Variants in SYNE1 observed in about 807,000 individuals in gnomAD.
The protein encoded by SYNE1 is spectrin repeat containing nuclear envelope protein 1, also known as nesprin-1.
SYNE1 carries 616 observed loss-of-function variants against 1,111.0 expected under a neutral mutation model. The observed-to-expected ratio is 0.55, with a 90% CI of 0.52 to 0.59. SYNE1 has a LOEUF of 0.59. Among genes scored for constraint, SYNE1 ranks in the 20% least tolerant of loss-of-function variants. The pLI is 0.00. For synonymous variants in SYNE1, 3,855 were observed against 3,825.8 expected (o/e 1.01, Z -0.28); for missense variants, 10,006 against 10,417.0 (o/e 0.96, Z 1.72).
At chr6:152,462,377 G>T (rs1436630893) in intron 20 of SYNE1, among the ~76,000 whole-genome samples, 2 of 152,116 alleles carry the variant, frequency 1.3e-5, no homozygotes, top group Non-Finnish European at 2.9e-5. Context: ...TGTGAGAGCT[G>T]CAGGCTATTC....
chr6:152,624,368 T>G (rs988632682), intron 3 of SYNE1, among the ~76,000 whole-genome samples: 9 of 152,168 alleles, frequency 5.9e-5, no homozygotes, highest in Admixed American at 3.3e-4. Context: ...TTAATAAAAG[T>G]CAGTCAACAA....
intron 100 of SYNE1, among the ~76,000 whole-genome samples, chr6:152,265,263 G>A (rs1429545748): frequency 6.9e-6 from 1 of 144,444 alleles, no homozygotes; most frequent in Non-Finnish European, 1.5e-5. Flanking sequence ...AATGGCAATA[G>A]TGCAAATATC....
At position 152,540,015 on chromosome 6, in the gene SYNE1, T is replaced by G; in HGVS notation, c.74A>C (p.Gln25Pro). Residue 25 changes from glutamine to proline, a missense_variant, in exon 4 of 146, where the codon CAA (glutamine) becomes CCA (proline). Around this residue, in one of 7 missense-constraint regions of SYNE1, gnomAD observed 1,971 missense variants for 2,084.1 expected, o/e 0.95. Coordinates refer to ENST00000367255, the MANE Select transcript of SYNE1 (RefSeq NM_182961.4). ...GAAAGTTCGTTTTTGTACTATCTCT[T>G]GCTCATCTAGAAGGAAAAAGAAATC... Reference protein sequence around the residue: ...ANVMQRLQDEQEIVQKRTFTK... With the variant: ...ANVMQRLQDEPEIVQKRTFTK... The G allele has an allele frequency of 6.2e-7, 1 of 1,613,910 alleles. No homozygotes were observed. Among genetic ancestry groups the G allele is most frequent in the Non-Finnish European group, 8.5e-7 (1 of 1,179,878 alleles).
At chr6:152,193,138 C>T (rs2073040640) in intron 127 of SYNE1, among the ~76,000 whole-genome samples, 1 of 151,658 alleles carries the variant, frequency 6.6e-6, no homozygotes, top group African/African-American at 2.4e-5. Context: ...TGGTCTTCTC[C>T]CCCTTCCTTC....
At chr6:152,599,360 C>T (rs917565157) in intron 3 of SYNE1, among the ~76,000 whole-genome samples, 1 of 152,226 alleles carries the variant, frequency 6.6e-6, no homozygotes, top group Non-Finnish European at 1.5e-5. Flanking sequence ...CACACACCCA[C>T]AGGGCTTTCC....
intron 97 of SYNE1, among the ~76,000 whole-genome samples, chr6:152,279,716 CAAAAAAAAAA>C (rs71017531): frequency 1.6e-5 from 1 of 63,058 alleles, no homozygotes; most frequent in African/African-American, 5.6e-5. Flanking sequence ...GACCTTGTCT[CAAAAAAAAAA>C]AAAAAAAAAA....
chr6:152,270,665 C>T (rs962963054), intron 98 of SYNE1, among the ~76,000 whole-genome samples: 1 of 152,208 alleles, frequency 6.6e-6, no homozygotes, highest in African/African-American at 2.4e-5. Context: ...TAAGCACTCA[C>T]TAGACACTGT....
At chr6:152,435,882 G>C (rs2154214502) in intron 33 of SYNE1, 59 bp downstream of exon 33, 2 of 1,593,148 alleles carry the variant, frequency 1.3e-6, no homozygotes, top group Admixed American at 3.3e-5. Context: ...CAAGGTACAG[G>C]AAAGATTGTA....
At chr6:152,522,421 G>A (rs546382836) in intron 5 of SYNE1, among the ~76,000 whole-genome samples, 49 of 152,150 alleles carry the variant, frequency 3.2e-4, no homozygotes, top group African/African-American at 1.1e-3. Context: ...AGTATTCCAT[G>A]GTTGTATATA....
intron 3 of SYNE1, among the ~76,000 whole-genome samples, chr6:152,587,305 A>G (rs1448006935): frequency 6.6e-6 from 1 of 152,098 alleles, no homozygotes; most frequent in Non-Finnish European, 1.5e-5. Flanking sequence ...CTTCCTTATC[A>G]TCTTTTACCA....
intron 98 of SYNE1, among the ~76,000 whole-genome samples, chr6:152,274,175 G>T (rs1012450888): frequency 5.3e-5 from 8 of 152,156 alleles, no homozygotes; most frequent in African/African-American, 1.9e-4. Flanking sequence ...CTTCTGTTCA[G>T]TTTTAGTATG....
chr6:152,318,336 T>A, intron 85 of SYNE1, 73 bp from the exon 86 acceptor site: 1 of 1,547,864 alleles, frequency 6.5e-7, no homozygotes, highest in Non-Finnish European at 8.9e-7. Context: ...GAGATCAGAC[T>A]GATTTTTGTC....
At chr6:152,181,320 G>C (rs898176719) in intron 128 of SYNE1, among the ~76,000 whole-genome samples, 1 of 152,160 alleles carries the variant, frequency 6.6e-6, no homozygotes, top group Non-Finnish European at 1.5e-5. Flanking sequence ...GTTGAGGCAG[G>C]AGAGTCGCTT....
At chr6:152,339,119 G>A in intron 75 of SYNE1, 122 bp downstream of exon 75, 3 of 1,306,862 alleles carry the variant, frequency 2.3e-6, no homozygotes, top group Non-Finnish European at 3.2e-6. Flanking sequence ...TATAATGGCT[G>A]TAGAACCATT....
chr6:152,381,472 T>C, intron 55 of SYNE1, 110 bp from the exon 56 acceptor site: 1 of 1,087,896 alleles, frequency 9.2e-7, no homozygotes, highest in Non-Finnish European at 1.4e-6. Flanking sequence ...TTTTAACAAG[T>C]GTGCCACAAG....
chr6:152,182,146 A>G (rs1227949893), intron 128 of SYNE1, among the ~76,000 whole-genome samples: 1 of 152,230 alleles, frequency 6.6e-6, no homozygotes, highest in Non-Finnish European at 1.5e-5. Context: ...TTATATATAT[A>G]CAATGGGCTT....
At chr6:152,574,280 G>C (rs1039582145) in intron 3 of SYNE1, among the ~76,000 whole-genome samples, 2 of 150,842 alleles carry the variant, frequency 1.3e-5, no homozygotes, top group East Asian at 3.9e-4. Context: ...AGTAGGTTTA[G>C]AGAGGAAATA....
chr6:152,318,750 AT>A, intron 85 of SYNE1, 112 bp downstream of exon 85: 1 of 1,262,418 alleles, frequency 7.9e-7, no homozygotes, highest in Non-Finnish European at 1.1e-6. Flanking sequence ...TGCTGTTACT[AT>A]TTGGTTTTAA....
At chr6:152,386,579 T>G (rs1354592103) in intron 54 of SYNE1, among the ~76,000 whole-genome samples, 1 of 152,168 alleles carries the variant, frequency 6.6e-6, no homozygotes, top group Admixed American at 6.6e-5. Context: ...AATGAAAGAT[T>G]CATATAGAGA....
Sources: allele counts gnomAD v4.1 joint callset (sites outside exome capture counted in the v4.1 genomes callset), GRCh38; gene constraint gnomAD v4.1.1; regional missense constraint gnomAD v4.1.1; transcripts MANE v1.5; gene names NCBI Gene and HGNC (gene_info 2026-07-23, HGNC 2026-07-21).